Variants in CCDC141 observed in about 807,000 individuals in gnomAD.
The protein encoded by CCDC141 is coiled-coil domain-containing protein 141.
Under a neutral mutation model 181.0 loss-of-function variants are expected in CCDC141, and 168 were observed. That is an observed-to-expected ratio of 0.93 (90% confidence interval 0.82 to 1.05). The LOEUF (loss-of-function observed/expected upper bound fraction) is 1.05. Among genes scored for constraint, CCDC141 ranks in the 50% least tolerant of loss-of-function variants. The pLI is 0.00. For synonymous variants in CCDC141, 666 were observed against 642.3 expected (o/e 1.04, Z -0.56); for missense variants, 1,902 against 1,788.5 (o/e 1.06, Z -1.14).
rs1219801058 is a variant in CCDC141, at chr2:178,831,416, C to T, written c.*2757G>A. Reference sequence around the variant, plus strand: ...TTGAGTTTAATTTTCACCAGAAAACCTGCTAGACAAATTCTAAAAGAGCTG... The same window carrying T: ...TTGAGTTTAATTTTCACCAGAAAACTTGCTAGACAAATTCTAAAAGAGCTG... On this transcript the variant is annotated 3_prime_UTR_variant, in exon 24 of 24. Coordinates refer to ENST00000443758, the MANE Select transcript of CCDC141 (RefSeq NM_173648.4). 6.6e-6 allele frequency: 1 copy of T among 152,058 alleles called. No individual in the cohort carries two copies. The highest frequency in any genetic ancestry group is 1.9e-4 in the East Asian group (1 of 5,194). 9.4% of individuals were successfully genotyped at this position (152,058 alleles called of 1,614,324 possible). A position where few individuals can be genotyped will look rare whatever the true frequency, so the allele number is the denominator to read the frequency against.
intron 3 of CCDC141, among the ~76,000 whole-genome samples, chr2:178,977,748 T>C (rs1226818173): frequency 1.3e-5 from 2 of 152,180 alleles, no homozygotes; most frequent in Non-Finnish European, 2.9e-5. Flanking sequence ...TGCTCTTACA[T>C]CAAAATGAAT....
At chr2:178,989,499 C>T (rs1184909773) in intron 2 of CCDC141, among the ~76,000 whole-genome samples, 1 of 151,378 alleles carries the variant, frequency 6.6e-6, no homozygotes, top group Non-Finnish European at 1.5e-5. Flanking sequence ...GAGGCTGAGG[C>T]AGGAGAATTG....
chr2:178,820,951 T>C, the CCDC141 span, among the ~76,000 whole-genome samples: 3 of 152,204 alleles, frequency 2.0e-5, no homozygotes, highest in Non-Finnish European at 4.4e-5. Context: ...AGTGACTTTT[T>C]ATTTTCTATG....
chr2:178,878,873 T>C (rs1357595951), intron 11 of CCDC141, among the ~76,000 whole-genome samples: 3 of 152,162 alleles, frequency 2.0e-5, no homozygotes, highest in Non-Finnish European at 4.4e-5. Flanking sequence ...GAAAGATGCA[T>C]ACATGGAATC....
chr2:178,829,323 G>T, downstream of CCDC141, among the ~76,000 whole-genome samples: 1 of 152,130 alleles, frequency 6.6e-6, no homozygotes, highest in East Asian at 1.9e-4. Context: ...CCATGTCCTG[G>T]GTTACACAAA....
chr2:178,856,460 T>C, intron 17 of CCDC141, 63 bp from the exon 18 acceptor site: 2 of 1,284,508 alleles, frequency 1.6e-6, no homozygotes, highest in South Asian at 1.5e-5. Context: ...TCACTTGCAA[T>C]AAATCAAAGC....
At chr2:178,844,649 C>T (rs1201031976) in intron 22 of CCDC141, among the ~76,000 whole-genome samples, 2 of 152,120 alleles carry the variant, frequency 1.3e-5, no homozygotes, top group Non-Finnish European at 2.9e-5. Context: ...CAGGCCTTGA[C>T]ATAGATTAAC....
chr2:179,035,048 A>C (rs1247571806), intron 2 of CCDC141, among the ~76,000 whole-genome samples: 1 of 152,166 alleles, frequency 6.6e-6, no homozygotes, highest in East Asian at 1.9e-4. Flanking sequence ...TTTTCCTGGA[A>C]GAACTAAATA....
At chr2:178,922,693 C>T (rs1473570937) in intron 6 of CCDC141, among the ~76,000 whole-genome samples, 1 of 152,214 alleles carries the variant, frequency 6.6e-6, no homozygotes, top group Non-Finnish European at 1.5e-5. Flanking sequence ...AATACCTGTT[C>T]TCCAGCGATT....
At chr2:178,952,154 T>A (rs1689975516) in intron 5 of CCDC141, among the ~76,000 whole-genome samples, 1 of 152,240 alleles carries the variant, frequency 6.6e-6, no homozygotes, top group African/African-American at 2.4e-5. Flanking sequence ...GAAATGGCAT[T>A]TATGCCCTGT....
At chr2:178,898,785 T>A (rs916257204) in intron 8 of CCDC141, among the ~76,000 whole-genome samples, 1 of 152,154 alleles carries the variant, frequency 6.6e-6, no homozygotes, top group African/African-American at 2.4e-5. Context: ...CAGATAAATG[T>A]AAACTTCTGA....
At chr2:178,914,404 G>C (rs1393123820) in intron 7 of CCDC141, among the ~76,000 whole-genome samples, 1 of 152,170 alleles carries the variant, frequency 6.6e-6, no homozygotes, top group African/African-American at 2.4e-5. Context: ...TCCAGTGGTT[G>C]GTTTACAGCA....
At chr2:178,986,140 T>G (rs1257395248) in intron 2 of CCDC141, among the ~76,000 whole-genome samples, 1 of 152,178 alleles carries the variant, frequency 6.6e-6, no homozygotes, top group Non-Finnish European at 1.5e-5. Flanking sequence ...GCTTCATCCC[T>G]GGGATGGAAG....
At chr2:178,991,209 AC>A (rs751519555) in intron 2 of CCDC141, among the ~76,000 whole-genome samples, 3 of 152,058 alleles carry the variant, frequency 2.0e-5, no homozygotes, top group Non-Finnish European at 4.4e-5. Context: ...TTTTTATAAA[AC>A]CTCTAACTTT....
At chr2:178,991,081 C>A (rs1692032176) in intron 2 of CCDC141, among the ~76,000 whole-genome samples, 1 of 152,200 alleles carries the variant, frequency 6.6e-6, no homozygotes, top group African/African-American at 2.4e-5. Context: ...CTGAAACAAC[C>A]TGCTGCAACT....
rs951410868 is a variant in CCDC141, at chr2:178,834,292, AAG to A, written c.4472_4473del (p.Ser1491PhefsTer10). The A allele has an allele frequency of 1.3e-6, 2 of 1,535,826 alleles. No homozygotes were observed. Among genetic ancestry groups the A allele is most frequent in the African/African-American group, 1.4e-5 (1 of 72,992 alleles). On this transcript the variant is annotated frameshift_variant, in exon 24 of 24. Transcript: ENST00000443758. LOFTEE classifies it high-confidence loss of function. ...CCTGTCACGTGGAGGATGACATTGG[AAG>A]AGAGAGCGCCGCTAGAGTTTTGGGC... The part of the protein sequence containing the change: ...ARAQNSSGAL[S>X]SNVILHVTGN...
chr2:179,022,855 T>C (rs1437632279), intron 2 of CCDC141, among the ~76,000 whole-genome samples: 1 of 152,190 alleles, frequency 6.6e-6, no homozygotes, highest in African/African-American at 2.4e-5. Context: ...CAGAGCCATC[T>C]TGATGCTATG....
intron 2 of CCDC141, among the ~76,000 whole-genome samples, chr2:179,009,892 C>T (rs896817918): frequency 7.9e-5 from 12 of 151,838 alleles, no homozygotes; most frequent in Admixed American, 5.2e-4. Context: ...GCAAGGAAAT[C>T]CAAAACATGA....
intron 7 of CCDC141, among the ~76,000 whole-genome samples, chr2:178,914,050 A>C (rs896062524): frequency 2.3e-4 from 35 of 152,356 alleles, no homozygotes; most frequent in African/African-American, 8.2e-4. Flanking sequence ...GTGATCAATA[A>C]ATATCAACCA....
Sources: allele counts gnomAD v4.1 joint callset (sites outside exome capture counted in the v4.1 genomes callset), GRCh38; gene constraint gnomAD v4.1.1; transcripts MANE v1.5; gene names NCBI Gene and HGNC (gene_info 2026-07-23, HGNC 2026-07-21).